ANKS1B: variants seen among roughly 807,000 people sequenced by gnomAD.
The protein encoded by ANKS1B is ankyrin repeat and sterile alpha motif domain-containing protein 1B.
ANKS1B carries 36 observed loss-of-function variants against 148.3 expected under a neutral mutation model. The observed-to-expected ratio is 0.24, with a 90% confidence interval of 0.19 to 0.32. The LOEUF (loss-of-function observed/expected upper bound fraction) is 0.32. Ranked by LOEUF, ANKS1B falls within the 10% of genes least tolerant of loss-of-function variation. The probability of loss-of-function intolerance (pLI) is 1.00; values close to 1 mark genes in which losing one functional copy is unlikely to be tolerated. For synonymous variants in ANKS1B, 542 were observed against 560.8 expected (o/e 0.97, Z 0.47); for missense variants, 1,157 against 1,542.6 (o/e 0.75, Z 4.19).
intron 17 of ANKS1B, among the ~76,000 whole-genome samples, chr12:99,010,013 G>A (rs7969490): frequency 0.25 from 37,619 of 152,032 alleles, 4,882 homozygotes; most frequent in African/African-American, 0.32. Flanking sequence ...TAAGGAAGGG[G>A]CCAGGAGCGT....
At chr12:99,606,886 C>T (rs2097855258) in intron 9 of ANKS1B, among the ~76,000 whole-genome samples, 1 of 152,090 alleles carries the variant, frequency 6.6e-6, no homozygotes, top group African/African-American at 2.4e-5. Flanking sequence ...CTTGTCCTAA[C>T]CAAAGCCTCT....
At chr12:99,570,463 C>T (rs935175467) in intron 9 of ANKS1B, among the ~76,000 whole-genome samples, 5 of 151,906 alleles carry the variant, frequency 3.3e-5, no homozygotes, top group Admixed American at 2.0e-4. Context: ...CTGGTTAACA[C>T]GGTGAAACCC....
chr12:99,355,363 T>C (rs2091873935), intron 12 of ANKS1B, among the ~76,000 whole-genome samples: 1 of 152,178 alleles, frequency 6.6e-6, no homozygotes. Context: ...ATCTGCAATT[T>C]GAAGTATTTG....
chr12:99,085,942 C>T (rs2051594868), intron 15 of ANKS1B, among the ~76,000 whole-genome samples: 2 of 152,148 alleles, frequency 1.3e-5, no homozygotes, highest in South Asian at 4.1e-4. Flanking sequence ...ATGAAATAAT[C>T]TGTACAACAA....
intron 17 of ANKS1B, among the ~76,000 whole-genome samples, chr12:98,852,323 C>T (rs750919841): frequency 4.0e-4 from 60 of 151,892 alleles, no homozygotes; most frequent in Non-Finnish European, 7.8e-4. Flanking sequence ...AATCTCTAGG[C>T]GGCAGAAACA....
chr12:99,660,317 G>C (rs930828446), intron 8 of ANKS1B, among the ~76,000 whole-genome samples: 8 of 149,482 alleles, frequency 5.4e-5, no homozygotes, highest in Non-Finnish European at 1.0e-4. Context: ...ATGAGAAATT[G>C]TATACACCAA....
intron 8 of ANKS1B, among the ~76,000 whole-genome samples, chr12:99,729,912 C>T (rs972412486): frequency 6.6e-5 from 10 of 152,192 alleles, no homozygotes; most frequent in Non-Finnish European, 1.0e-4. Flanking sequence ...CACTGTATCA[C>T]TAGATTTCAG....
intron 17 of ANKS1B, among the ~76,000 whole-genome samples, chr12:98,960,753 C>T (rs1039668258): frequency 6.6e-6 from 1 of 152,018 alleles, no homozygotes; most frequent in Admixed American, 6.6e-5. Flanking sequence ...CAATGAAATT[C>T]AAGATAACAT....
intron 14 of ANKS1B, among the ~76,000 whole-genome samples, chr12:99,214,866 C>T (rs2083908406): frequency 6.6e-6 from 1 of 152,106 alleles, no homozygotes; most frequent in Admixed American, 6.5e-5. Flanking sequence ...CTGAGGTGGT[C>T]TCAGATGGAG....
At position 98,805,492 on chromosome 12, in the gene ANKS1B, C is replaced by T. The variant is rs78446085; in HGVS notation, c.3141+2352G>A. 3.4e-3 allele frequency among the ~76,000 whole-genome samples: 517 copies of T among 152,272 alleles called. 2 individuals are homozygous for T. The highest frequency in any genetic ancestry group is 5.7e-3 in the Non-Finnish European group (388 of 68,018). On this transcript the variant is annotated intron_variant, in intron 20 of 26. Transcript: ENST00000683438. ...ATGTTTGCAACTGCCAACTATAAAT[C>T]TGTAGTCTGGGTGAGTCTGAAGGAC...
intron 12 of ANKS1B, among the ~76,000 whole-genome samples, chr12:99,340,516 T>C (rs1166815145): frequency 6.6e-6 from 1 of 151,954 alleles, no homozygotes; most frequent in African/African-American, 2.4e-5. Flanking sequence ...CAAACCTAGA[T>C]GGTATATATT....
At chr12:99,692,400 G>A (rs1004548981) in intron 8 of ANKS1B, among the ~76,000 whole-genome samples, 4 of 152,178 alleles carry the variant, frequency 2.6e-5, no homozygotes, top group African/African-American at 9.7e-5. Context: ...GCCCAGCGCA[G>A]TGGCTCATGC....
At chr12:99,066,520 G>C (rs571260846) in intron 16 of ANKS1B, among the ~76,000 whole-genome samples, 1 of 152,224 alleles carries the variant, frequency 6.6e-6, no homozygotes, top group East Asian at 1.9e-4. Context: ...ATAAGTGAGG[G>C]CTTATAAGAC....
intron 17 of ANKS1B, among the ~76,000 whole-genome samples, chr12:98,919,740 T>C (rs967072645): frequency 5.3e-5 from 8 of 152,332 alleles, no homozygotes; most frequent in African/African-American, 1.9e-4. Flanking sequence ...ACTTTATCTT[T>C]TCATAGGGTC....
chr12:99,469,916 T>A (rs962179979), intron 10 of ANKS1B, among the ~76,000 whole-genome samples: 1 of 151,898 alleles, frequency 6.6e-6, no homozygotes, highest in African/African-American at 2.4e-5. Flanking sequence ...GGCCAGGAGT[T>A]CCAGACAAGC....
intron 1 of ANKS1B, among the ~76,000 whole-genome samples, chr12:99,922,926 C>T (rs913420356): frequency 3.4e-5 from 5 of 148,148 alleles, no homozygotes; most frequent in African/African-American, 5.1e-5. Context: ...GACCTCTCAG[C>T]CTCCAGAACT....
intron 12 of ANKS1B, among the ~76,000 whole-genome samples, chr12:99,275,690 G>A (rs142934058): frequency 1.2e-3 from 176 of 152,250 alleles, no homozygotes; most frequent in African/African-American, 3.9e-3. Flanking sequence ...TTCTTTTGGG[G>A]TATATACCTG....
chr12:99,095,822 A>G (rs1231878168), intron 15 of ANKS1B, among the ~76,000 whole-genome samples: 1 of 152,156 alleles, frequency 6.6e-6, no homozygotes, highest in Admixed American at 6.6e-5. Flanking sequence ...TTTGTGTGTC[A>G]ATTATAGCAT....
chr12:99,923,835 T>C (rs1037530723), intron 1 of ANKS1B, among the ~76,000 whole-genome samples: 2 of 152,076 alleles, frequency 1.3e-5, no homozygotes, highest in African/African-American at 4.8e-5. Flanking sequence ...GACTGTGCCT[T>C]ATCCCCCTTA....
Sources: allele counts gnomAD v4.1 joint callset (sites outside exome capture counted in the v4.1 genomes callset), GRCh38; gene constraint gnomAD v4.1.1; transcripts MANE v1.5; gene names NCBI Gene and HGNC (gene_info 2026-07-23, HGNC 2026-07-21).